EIF3M: variants seen among roughly 807,000 people sequenced by gnomAD.
EIF3M encodes B5 receptor.
Under a neutral mutation model 49.7 loss-of-function variants are expected in EIF3M, and 25 were observed. The observed-to-expected ratio is 0.50, with a 90% confidence interval of 0.37 to 0.70. The LOEUF (loss-of-function observed/expected upper bound fraction) is 0.70. Among genes scored for constraint, EIF3M ranks in the 30% least tolerant of loss-of-function variants. The pLI, the probability that EIF3M is intolerant of heterozygous loss-of-function variation, is 0.00. For synonymous variants in EIF3M, 156 were observed against 149.8 expected, an observed-to-expected ratio of 1.04 and a Z score of -0.30; for missense variants, 350 against 440.0, an observed-to-expected ratio of 0.80 and a Z score of 1.83.
At chr11:32,592,646 ACAAC>A (rs1855120852) in intron 5 of EIF3M, 1 of 508,540 alleles carries the variant, frequency 2.0e-6, no homozygotes. Flanking sequence ...TGATTACCAC[ACAAC>A]CTGTGAGTGT....
At position 32,602,278 on chromosome 11, in the gene EIF3M, G is replaced by C. The variant is rs1289338322; in HGVS notation, c.1005-1G>C. ...ACTGTGTTTAATTTTTCAATTTTTA[G>C]TCATAGCACACATCGGACATTTGGA... is the stretch of plus-strand genomic sequence containing the variant. On this transcript the variant is annotated splice_acceptor_variant, in intron 10 of 10. Coordinates refer to ENST00000531120, the MANE Select transcript of EIF3M (RefSeq NM_006360.6). LOFTEE classifies it high-confidence loss of function. The C allele has an allele frequency of 1.9e-6, 3 of 1,609,338 alleles. No homozygotes were observed. The highest frequency in any genetic ancestry group is 2.2e-5 in the South Asian group (2 of 89,992).
intron 2 of EIF3M, among the ~76,000 whole-genome samples, chr11:32,587,436 T>G (rs1855018441): frequency 6.6e-6 from 1 of 152,260 alleles, no homozygotes; most frequent in South Asian, 2.1e-4. Flanking sequence ...GTTGGAAACA[T>G]TCAACAGTTC....
At position 32,602,122 on chromosome 11, in the gene EIF3M, T is replaced by C; in HGVS notation, c.1005-157T>C. The stretch of plus-strand genomic sequence containing the variant: ...AGGCTTAGGATCAATATGGTAAAGA[T>C]TTTTTTTAAATAATTATGTAATTCT... On this transcript the variant is annotated intron_variant, in intron 10 of 10. Coordinates refer to ENST00000531120, the MANE Select transcript of EIF3M (RefSeq NM_006360.6). 1.7e-6 allele frequency: 2 copies of C among 1,183,276 alleles called. 1 individual carries two copies. Among genetic ancestry groups the C allele is most frequent in the Middle Eastern group, 4.1e-4 (2 of 4,862 alleles). The allele number at this position is 1,183,276 out of a possible 1,614,324, so 73.3% of individuals were successfully genotyped here.
rs1003624714 is a variant in EIF3M at position 32,604,637 on chromosome 11, C to T, written c.*2238C>T. 6.6e-6 allele frequency: 1 copy of T among 152,142 alleles called. No homozygotes were observed. The highest frequency in any genetic ancestry group is 1.5e-5 in the Non-Finnish European group (1 of 68,036). The allele number at this position is 152,142 out of a possible 1,614,324, so 9.4% of individuals were successfully genotyped here. Reference sequence around the variant, plus strand: ...GTTCTTAAGTCTGTTAAGAGGATAGCTCCATCATATTCTGTGTTCTGCAAA... The same window carrying T: ...GTTCTTAAGTCTGTTAAGAGGATAGTTCCATCATATTCTGTGTTCTGCAAA... On this transcript the variant is annotated 3_prime_UTR_variant, in exon 11 of 11. Transcript: ENST00000531120.
chr11:32,601,901 C>A, intron 10 of EIF3M, 79 bp downstream of exon 10: 1 of 1,465,258 alleles, frequency 6.8e-7, no homozygotes, highest in Non-Finnish European at 9.4e-7. Flanking sequence ...GTTTAGAGAA[C>A]CAAGGTGGTG....
In EIF3M at chr11:32,596,049, T is replaced by G; in HGVS notation, c.799+2T>G. 6.5e-7 allele frequency: 1 copy of G among 1,549,350 alleles called. No homozygotes were observed. On this transcript the variant is annotated splice_donor_variant, in intron 8 of 10. Coordinates refer to ENST00000531120, the MANE Select transcript of EIF3M (RefSeq NM_006360.6). LOFTEE classifies it high-confidence loss of function. ...ATAAAGACTTCATTGATTCACTTGG[T>G]AAGTTTTGGGGTTTATTCTTTGAGG...
chr11:32,589,180 CTTTTT>C, intron 4 of EIF3M, 45 bp downstream of exon 4: 1 of 1,309,070 alleles, frequency 7.6e-7, no homozygotes. Flanking sequence ...AAGAAATGTA[CTTTTT>C]TTTTTTTTGA....
chr11:32,591,589 A>G (rs201873), intron 5 of EIF3M, among the ~76,000 whole-genome samples: 67,145 of 152,042 alleles, frequency 0.44, 15,340 homozygotes, highest in African/African-American at 0.52. Context: ...TGCAACCTGT[A>G]GCTATGACAG....
intron 1 of EIF3M, among the ~76,000 whole-genome samples, chr11:32,585,766 C>T (rs189753612): frequency 2.6e-5 from 4 of 152,142 alleles, no homozygotes; most frequent in Admixed American, 2.6e-4. Flanking sequence ...AGGATAGTAC[C>T]GTCAGATCTG....
intron 10 of EIF3M, 122 bp from the exon 11 acceptor site, chr11:32,602,157 T>G (rs746257830): frequency 7.4e-7 from 1 of 1,345,856 alleles, no homozygotes; most frequent in Non-Finnish European, 1.0e-6. Context: ...TTAAATTCTC[T>G]TACTATTCTA....
In EIF3M at chr11:32,595,894, A is replaced by G. The variant is rs139574814; in HGVS notation, c.718-72A>G. On this transcript the variant is annotated intron_variant, in intron 7 of 10. Coordinates refer to ENST00000531120, the MANE Select transcript of EIF3M (RefSeq NM_006360.6). Reference sequence around the variant, plus strand: ...CAGTATCTTTAAAATAATATTTACAATATCTTAGAATATCTTACAATAAAT... The same window carrying G: ...CAGTATCTTTAAAATAATATTTACAGTATCTTAGAATATCTTACAATAAAT... The G allele has an allele frequency of 8.1e-4, 889 of 1,097,386 alleles. 9 individuals are homozygous for G. In the African/African-American group the frequency reaches 0.012, roughly 15 times the overall value. 68.0% of individuals were successfully genotyped at this position (1,097,386 alleles called of 1,614,324 possible). A position where few individuals can be genotyped will look rare whatever the true frequency, so the allele number is the denominator to read the frequency against.
intron 9 of EIF3M, 185 bp downstream of exon 9, chr11:32,601,017 A>G (rs1855253926): frequency 3.2e-6 from 2 of 633,298 alleles, no homozygotes; most frequent in Non-Finnish European, 4.8e-6. Context: ...ATAAACTGCT[A>G]TATTCTATCC....
chr11:32,586,561 G>A (rs1855001206), intron 1 of EIF3M, among the ~76,000 whole-genome samples: 1 of 152,136 alleles, frequency 6.6e-6, no homozygotes, highest in South Asian at 2.1e-4. Flanking sequence ...CTTTTGCCAA[G>A]GTAATGTCTG....
At chr11:32,594,889 C>T in intron 6 of EIF3M, 25 bp from the exon 7 acceptor site, 3 of 1,589,568 alleles carry the variant, frequency 1.9e-6, no homozygotes, top group Non-Finnish European at 2.6e-6. Context: ...AAACCCTGAG[C>T]TTACATTTTT....
At position 32,602,653 on chromosome 11, in the gene EIF3M, G is replaced by A; in HGVS notation, c.*254G>A. On this transcript the variant is annotated 3_prime_UTR_variant, in exon 11 of 11. Transcript: ENST00000531120. The stretch of plus-strand genomic sequence containing the variant: ...TTAAAGAAAGGATAATATACAGAGA[G>A]AAGACAGAAGTAGAGTAATACAATT... 1 of 762,784 alleles carries A rather than the reference G, an allele frequency of 1.3e-6. No homozygotes were observed. Among genetic ancestry groups the A allele is most frequent in the Non-Finnish European group, 2.1e-6 (1 of 487,148 alleles). 47.3% of individuals were successfully genotyped at this position (762,784 alleles called of 1,614,324 possible).
rs1855071816 is a variant in EIF3M, at chr11:32,589,784, C to T, written c.533+143C>T. The T allele has an allele frequency of 8.4e-6, 5 of 598,664 alleles. No homozygotes were observed. In the South Asian group the frequency reaches 1.4e-4, roughly 16 times the overall value. 37.1% of individuals were successfully genotyped at this position (598,664 alleles called of 1,614,324 possible). A position where few individuals can be genotyped will look rare whatever the true frequency, so the allele number is the denominator to read the frequency against. ...TATAAATCTATTTCTATAAATTTGA[C>T]CTAAAGTTAAAGATAACTATAAAGA... On this transcript the variant is annotated intron_variant, in intron 5 of 10. Transcript: ENST00000531120.
intron 4 of EIF3M, 130 bp from the exon 5 acceptor site, chr11:32,589,417 C>A: frequency 1.1e-6 from 1 of 934,044 alleles, no homozygotes; most frequent in Non-Finnish European, 1.6e-6. Flanking sequence ...TTCAGTTGAT[C>A]CTCCTGCCTT....
Position 32,583,988 on chromosome 11 carries a change from G to A in EIF3M, c.42+59G>A. 7 of 1,604,576 alleles carry A rather than the reference G, an allele frequency of 4.4e-6. 1 individual carries two copies. Among genetic ancestry groups the A allele is most frequent in the Non-Finnish European group, 4.3e-6 (5 of 1,175,328 alleles). ...GGTGGGGGATGTCCTAGTAGCGCAA[G>A]GGACCGCTGCCGAGCCTGGGCCGGG... On this transcript the variant is annotated intron_variant, in intron 1 of 10. Coordinates refer to ENST00000531120, the MANE Select transcript of EIF3M (RefSeq NM_006360.6).
intron 8 of EIF3M, among the ~76,000 whole-genome samples, chr11:32,598,038 C>T (rs1317424995): frequency 6.6e-6 from 1 of 152,160 alleles, no homozygotes; most frequent in Non-Finnish European, 1.5e-5. Flanking sequence ...GTGTAGAAAG[C>T]TTTGCCAGGT....
Sources: gnomAD v4.1 joint callset for allele counts (sites outside exome capture counted in the v4.1 genomes callset) on GRCh38, gnomAD v4.1.1 for gene constraint, MANE v1.5 for transcripts, NCBI Gene and HGNC (gene_info 2026-07-23, HGNC 2026-07-21) for gene names.